The following PCYOX1 variants were observed in gnomAD, a reference collection of about 807,000 sequenced individuals.
PCYOX1 encodes prenylcysteine lyase.
Under a neutral mutation model 46.4 loss-of-function variants are expected in PCYOX1, and 46 were observed. That is an observed-to-expected ratio of 0.99 (90% CI 0.78 to 1.27). The LOEUF is 1.27. Ranked by LOEUF, PCYOX1 falls within the 50% of genes most tolerant of loss-of-function variation. The probability of loss-of-function intolerance (pLI) is 0.00; values close to 1 mark genes in which losing one functional copy is unlikely to be tolerated. For synonymous variants in PCYOX1, 220 were observed against 231.8 expected, an observed-to-expected ratio of 0.95 and a Z score of 0.46; for missense variants, 658 against 628.3, an observed-to-expected ratio of 1.05 and a Z score of -0.51.
intron 3 of PCYOX1, among the ~76,000 whole-genome samples, chr2:70,263,229 C>CT (rs1367279363): frequency 1.9e-5 from 2 of 106,674 alleles, no homozygotes; most frequent in Non-Finnish European, 4.8e-5. Flanking sequence ...GCCAGACTGT[C>CT]TAAAAAAAAA....
Position 70,276,899 on chromosome 2 carries a change from A to T in PCYOX1, c.1025A>T (p.His342Leu). 6.2e-7 allele frequency: 1 copy of T among 1,613,006 alleles called. No individual in the cohort carries two copies. Among genetic ancestry groups the T allele is most frequent in the East Asian group, 2.2e-5 (1 of 44,870 alleles). Reference protein sequence around the residue: ...PIEEFHQYYQHIVTTLVKGEL... With the variant: ...PIEEFHQYYQLIVTTLVKGEL... ...GAGGAATTCCATCAATATTATCAAC[A>T]TATAGTGACAACTTTAGTTAAGGGG... Residue 342 changes from histidine to leucine, a missense_variant, in exon 6 of 6, where the codon CAT (histidine) becomes CTT (leucine). Physicochemically the swap from His to Leu is moderately conservative, Grantham distance 99. Coordinates refer to ENST00000433351, the MANE Select transcript of PCYOX1 (RefSeq NM_016297.4).
chr2:70,264,398 C>T (rs1165791394), intron 3 of PCYOX1, among the ~76,000 whole-genome samples: 1 of 151,794 alleles, frequency 6.6e-6, no homozygotes, highest in Non-Finnish European at 1.5e-5. Flanking sequence ...GCAATCTCGG[C>T]TCACTGCAAC....
Position 70,261,349 on chromosome 2 carries a change from C to T in PCYOX1, c.457C>T (p.His153Tyr). The change falls in exon 3 of 6, where the codon CAC (histidine) becomes TAC (tyrosine). Residue 153 changes from histidine (H) to tyrosine (Y), a missense_variant. Physicochemically the swap from His to Tyr is moderately conservative, Grantham distance 83. Transcript: ENST00000433351. ...WRYGFQSLRMHMWVEDVLDKF... is the reference protein window; with the variant it reads ...WRYGFQSLRMYMWVEDVLDKF... ...CTATGGATTTCAATCCCTCCGTATGCACATGTGGGTAGAGGACGTGTTAGA... is the reference window on the plus strand; with the variant it reads ...CTATGGATTTCAATCCCTCCGTATGTACATGTGGGTAGAGGACGTGTTAGA... The T allele has an allele frequency of 6.2e-7, 1 of 1,612,792 alleles. No individual in the cohort carries two copies. Among genetic ancestry groups the T allele is most frequent in the Non-Finnish European group, 8.5e-7 (1 of 1,178,800 alleles).
At chr2:70,272,012 G>T (rs917215964) in intron 3 of PCYOX1, among the ~76,000 whole-genome samples, 4 of 152,102 alleles carry the variant, frequency 2.6e-5, no homozygotes, top group Admixed American at 6.6e-5. Context: ...GTCAACAAAT[G>T]ATTGATGAAA....
chr2:70,263,650 TTTTTC>T (rs1164148538), intron 3 of PCYOX1, among the ~76,000 whole-genome samples: 6 of 151,904 alleles, frequency 3.9e-5, no homozygotes, highest in Admixed American at 6.6e-5. Flanking sequence ...GTGTGTATTG[TTTTTC>T]TTTTCTTTTC....
intron 3 of PCYOX1, among the ~76,000 whole-genome samples, chr2:70,272,478 T>C (rs767034791): frequency 2.6e-5 from 4 of 151,994 alleles, no homozygotes; most frequent in Non-Finnish European, 5.9e-5. Context: ...CCCAGGCTAG[T>C]CTTGAACTCC....
At chr2:70,274,827 G>A (rs546196371) in intron 3 of PCYOX1, 132 bp from the exon 4 acceptor site, 16 of 662,412 alleles carry the variant, frequency 2.4e-5, no homozygotes, top group East Asian at 1.9e-4. Context: ...GCCTCCCAAA[G>A]TGTGGGGATT....
At position 70,277,173 on chromosome 2, in the gene PCYOX1, G is replaced by A; in HGVS notation, c.1299G>A (p.Trp433Ter). 6.2e-7 allele frequency: 1 copy of A among 1,614,028 alleles called. No homozygotes were observed. Among genetic ancestry groups the A allele is most frequent in the Middle Eastern group, 1.6e-4 (1 of 6,062 alleles). The change falls in exon 6 of 6, where the codon TGG becomes TGA. Residue 433 changes from tryptophan (W) to a stop codon, truncating the protein, a stop_gained. Transcript: ENST00000433351. LOFTEE classifies it high-confidence loss of function. ...ATGATTATGCTGTGAAGAAGCCATGGCTTGCATATCCTCACTATAAGCCCC... is the reference window on the plus strand; with the variant it reads ...ATGATTATGCTGTGAAGAAGCCATGACTTGCATATCCTCACTATAAGCCCC... ...LSYDYAVKKP[W>*]LAYPHYKPPE...
intron 3 of PCYOX1, among the ~76,000 whole-genome samples, chr2:70,269,736 G>A (rs749824010): frequency 6.0e-5 from 9 of 150,048 alleles, no homozygotes; most frequent in Non-Finnish European, 1.2e-4. Flanking sequence ...TTTTTTTTTT[G>A]ACACGTGGAC....
Position 70,275,367 on chromosome 2 carries a change from T to C in PCYOX1, c.707-147T>C, listed in dbSNP as rs1387075613. On this transcript the variant is annotated intron_variant, in intron 4 of 5. Coordinates refer to ENST00000433351, the MANE Select transcript of PCYOX1 (RefSeq NM_016297.4). ...CTTTAGCTTTCATTAGTTCAGTAAT[T>C]CTTAACTGGGGGAGATTTTGCTCCC... 8.0e-6 allele frequency: 7 copies of C among 873,912 alleles called. No individual in the cohort carries two copies. The African/African-American group carries it at 8.4e-5, about 10-fold the overall frequency. The allele number at this position is 873,912 out of a possible 1,614,324, so 54.1% of individuals were successfully genotyped here.
At position 70,280,435 on chromosome 2, in the gene PCYOX1, GCT is replaced by G. The variant is rs989857619; in HGVS notation, c.*3048_*3049del. 3 of 152,124 alleles carry G rather than the reference GCT, an allele frequency of 2.0e-5. No individual in the cohort carries two copies. The highest frequency in any genetic ancestry group is 4.8e-5 in the African/African-American group (2 of 41,414). 9.4% of individuals were successfully genotyped at this position (152,124 alleles called of 1,614,324 possible). A position where few individuals can be genotyped will look rare whatever the true frequency, so the allele number is the denominator to read the frequency against. ...AATGAAAGCCAGCTCTGCTCCAGTG[GCT>G]CTCTGAGTTGAGCATGCATCAGTTA... On this transcript the variant is annotated 3_prime_UTR_variant, in exon 6 of 6. Coordinates refer to ENST00000433351, the MANE Select transcript of PCYOX1 (RefSeq NM_016297.4).
rs949529501 is a variant in PCYOX1, at chr2:70,280,985, A to T, written c.*3593A>T. Reference sequence around the variant, plus strand: ...TTTATAATACAACCATCTGTAATGTATCTCTCGTTTGAGCTTGTGGGCCAT... The same window carrying T: ...TTTATAATACAACCATCTGTAATGTTTCTCTCGTTTGAGCTTGTGGGCCAT... On this transcript the variant is annotated 3_prime_UTR_variant, in exon 6 of 6. Coordinates refer to ENST00000433351, the MANE Select transcript of PCYOX1 (RefSeq NM_016297.4). 1 of 152,178 alleles carries T rather than the reference A, an allele frequency of 6.6e-6. No individual in the cohort carries two copies. The highest frequency in any genetic ancestry group is 1.5e-5 in the Non-Finnish European group (1 of 68,044). The allele number at this position is 152,178 out of a possible 1,614,324, so 9.4% of individuals were successfully genotyped here.
rs202006780 is a variant in PCYOX1 at position 70,261,303 on chromosome 2, C to T, written c.411C>T (p.Asn137=). The T allele has an allele frequency of 9.1e-5, 146 of 1,609,886 alleles. 1 individual carries two copies. The highest frequency in any genetic ancestry group is 4.8e-4 in the Admixed American group (29 of 60,010). ...AGGAGAGCAACTGGTTCATAATTAA[C>T]GTGATTAAATTAGTTTGGCGCTATG... is the stretch of plus-strand genomic sequence containing the variant. The part of the protein sequence containing the change: ...VFEESNWFII[N]VIKLVWRYGF... The change falls in exon 3 of 6, where the codon AAC becomes AAT. Residue 137 remains asparagine (N), a synonymous_variant. Transcript: ENST00000433351.
chr2:70,262,028 A>G (rs1381447288), intron 3 of PCYOX1, among the ~76,000 whole-genome samples: 11 of 152,076 alleles, frequency 7.2e-5, no homozygotes, highest in African/African-American at 2.7e-4. Flanking sequence ...ATGCTTTTCT[A>G]TATTTAAACA....
intron 1 of PCYOX1, among the ~76,000 whole-genome samples, chr2:70,258,860 C>T (rs1457918553): frequency 3.3e-5 from 5 of 152,228 alleles, no homozygotes; most frequent in Non-Finnish European, 7.3e-5. Context: ...GTTCTCTTTC[C>T]ACTGTCAAGA....
intron 3 of PCYOX1, among the ~76,000 whole-genome samples, chr2:70,266,611 C>T (rs566511648): frequency 4.6e-5 from 7 of 152,126 alleles, no homozygotes; most frequent in South Asian, 2.1e-4. Context: ...AGGGCCCTGC[C>T]GCCTTCCGCA....
chr2:70,261,457 GA>G, intron 3 of PCYOX1, 71 bp downstream of exon 3: 1 of 1,070,984 alleles, frequency 9.3e-7, no homozygotes, highest in South Asian at 1.5e-5. Context: ...TGAACTTTAG[GA>G]ATTATGATTT....
At chr2:70,261,419 C>G in intron 3 of PCYOX1, 33 bp downstream of exon 3, 1 of 1,422,686 alleles carries the variant, frequency 7.0e-7, no homozygotes. Flanking sequence ...AACCTAAGAT[C>G]TTTTAATTTA....
At chr2:70,263,232 A>AC (rs1696465972) in intron 3 of PCYOX1, among the ~76,000 whole-genome samples, 1 of 148,408 alleles carries the variant, frequency 6.7e-6, no homozygotes, top group South Asian at 2.1e-4. Context: ...AGACTGTCTA[A>AC]AAAAAAAAAA....
Sources: gnomAD v4.1 joint callset for allele counts (sites outside exome capture counted in the v4.1 genomes callset) on GRCh38, gnomAD v4.1.1 for gene constraint, MANE v1.5 for transcripts, NCBI Gene and HGNC (gene_info 2026-07-23, HGNC 2026-07-21) for gene names.